The following CDH12 variants were observed in gnomAD, a reference collection of about 807,000 sequenced individuals.
The protein encoded by CDH12 is cadherin 12, also known as cadherin-12.
Under a neutral mutation model 74.1 loss-of-function variants are expected in CDH12, and 41 were observed. The observed-to-expected ratio is 0.55, with a 90% CI of 0.43 to 0.72. The LOEUF is 0.72. Among genes scored for constraint, CDH12 ranks in the 30% least tolerant of loss-of-function variants. CDH12 has a pLI of 0.00. For missense variants in CDH12, 945 were observed against 977.2 expected (o/e 0.97, Z 0.44); for synonymous variants, 399 against 355.0 (o/e 1.12, Z -1.39).
chr5:21,896,800 G>C (rs1207079803), intron 6 of CDH12, among the ~76,000 whole-genome samples: 1 of 152,132 alleles, frequency 6.6e-6, no homozygotes, highest in East Asian at 1.9e-4. Flanking sequence ...ATAGATTGAC[G>C]AAGTATTAAA....
intron 2 of CDH12, among the ~76,000 whole-genome samples, chr5:22,430,226 TG>T (rs566998671): frequency 1.1e-3 from 174 of 152,160 alleles, no homozygotes; most frequent in Middle Eastern, 0.01. Flanking sequence ...CAATTGGAGG[TG>T]TTCAAATTAG....
At chr5:22,225,488 C>A (rs567075649) in intron 3 of CDH12, among the ~76,000 whole-genome samples, 56 of 152,166 alleles carry the variant, frequency 3.7e-4, no homozygotes, top group African/African-American at 1.3e-3. Flanking sequence ...AACTTTGCCA[C>A]AAGCTTTGAA....
chr5:22,705,076 G>T (rs562608633), intron 1 of CDH12, among the ~76,000 whole-genome samples: 4 of 149,530 alleles, frequency 2.7e-5, no homozygotes, highest in South Asian at 2.1e-4. Context: ...TGTGGGGGGA[G>T]TGGAGTTACA....
intron 1 of CDH12, among the ~76,000 whole-genome samples, chr5:22,734,564 T>C (rs1403141117): frequency 1.3e-5 from 2 of 151,870 alleles, no homozygotes; most frequent in Admixed American, 1.3e-4. Flanking sequence ...GGCTGGCTGG[T>C]TTAAAGACTT....
chr5:22,288,202 T>C (rs922785401), intron 3 of CDH12, among the ~76,000 whole-genome samples: 1 of 152,178 alleles, frequency 6.6e-6, no homozygotes, highest in Non-Finnish European at 1.5e-5. Flanking sequence ...TCTCCTTACA[T>C]CTTCTATCTG....
intron 1 of CDH12, among the ~76,000 whole-genome samples, chr5:22,799,820 A>G (rs762367499): frequency 3.2e-4 from 48 of 152,292 alleles, no homozygotes; most frequent in Non-Finnish European, 6.0e-4. Flanking sequence ...TACAACCTAC[A>G]AAACAACACA....
chr5:22,678,053 G>T (rs116337060), intron 1 of CDH12, among the ~76,000 whole-genome samples: 29 of 150,578 alleles, frequency 1.9e-4, no homozygotes, highest in Admixed American at 2.7e-4. Context: ...ATGGGGGGGG[G>T]GGTTAGGATT....
At chr5:22,726,972 C>A (rs1464808369) in intron 1 of CDH12, among the ~76,000 whole-genome samples, 1 of 151,736 alleles carries the variant, frequency 6.6e-6, no homozygotes, top group African/African-American at 2.4e-5. Flanking sequence ...TACTTCTGTC[C>A]TTTAGCGTCC....
rs558114697 is a variant in CDH12 at position 22,664,489 on chromosome 5, C to T, written c.-522-159125G>A. 1.2e-4 allele frequency among the ~76,000 whole-genome samples: 18 copies of T among 152,114 alleles called. 1 individual carries two copies. Among genetic ancestry groups the T allele is most frequent in the Admixed American group, 8.5e-4 (13 of 15,270 alleles). ...CACGAGAAGAGCATGGGGAAAACTG[C>T]CCCTGTGATTCAATTATCTCCACCT... On this transcript the variant is annotated intron_variant, in intron 1 of 14. Coordinates refer to ENST00000382254, the MANE Select transcript of CDH12 (RefSeq NM_004061.5).
chr5:22,286,737 G>A (rs750354556), intron 3 of CDH12, among the ~76,000 whole-genome samples: 1 of 149,886 alleles, frequency 6.7e-6, no homozygotes, highest in Non-Finnish European at 1.5e-5. Flanking sequence ...TGCAGTCAGG[G>A]TTAACTCAAA....
At position 22,783,889 on chromosome 5, in the gene CDH12, G is replaced by T. The variant is rs117531668; in HGVS notation, c.-523+69169C>A. 3.0e-4 allele frequency among the ~76,000 whole-genome samples: 45 copies of T among 152,068 alleles called. No homozygotes were observed. In the East Asian group the frequency reaches 8.1e-3, roughly 27 times the overall value. ...CTGAATCATTTTATTATTTTATAGC[G>T]ATTCTCCTCCCTGCTTTTTTTCCCA... On this transcript the variant is annotated intron_variant, in intron 1 of 14. Coordinates refer to ENST00000382254, the MANE Select transcript of CDH12 (RefSeq NM_004061.5).
chr5:21,758,447 A>G (rs1455301631), intron 13 of CDH12, among the ~76,000 whole-genome samples: 1 of 152,188 alleles, frequency 6.6e-6, no homozygotes, highest in Non-Finnish European at 1.5e-5. Flanking sequence ...TATCATCATC[A>G]TCACCATCTC....
At chr5:22,492,823 C>T (rs572360124) in intron 2 of CDH12, among the ~76,000 whole-genome samples, 167 of 152,216 alleles carry the variant, frequency 1.1e-3, no homozygotes, top group African/African-American at 3.8e-3. Flanking sequence ...CTCCCTTGCT[C>T]TCCTGAGGTC....
chr5:21,896,145 G>C (rs1393629686), intron 6 of CDH12, among the ~76,000 whole-genome samples: 1 of 152,180 alleles, frequency 6.6e-6, no homozygotes, highest in Non-Finnish European at 1.5e-5. Context: ...TGCTATGCCA[G>C]CTGGAATGAC....
At chr5:21,953,025 A>G (rs548913326) in intron 6 of CDH12, among the ~76,000 whole-genome samples, 1 of 152,034 alleles carries the variant, frequency 6.6e-6, no homozygotes, top group Non-Finnish European at 1.5e-5. Flanking sequence ...GAGAATCTTC[A>G]TTAATGCAGC....
chr5:21,905,932 G>A (rs1329383410), intron 6 of CDH12, among the ~76,000 whole-genome samples: 1 of 151,926 alleles, frequency 6.6e-6, no homozygotes, highest in African/African-American at 2.4e-5. Flanking sequence ...CTAAATTCAT[G>A]GTGTCTAGAA....
intron 4 of CDH12, among the ~76,000 whole-genome samples, chr5:22,129,834 A>G (rs938256810): frequency 1.3e-5 from 2 of 152,100 alleles, no homozygotes; most frequent in African/African-American, 4.8e-5. Context: ...GGGCATAATT[A>G]TAATCACTAA....
chr5:22,655,560 TGAA>T (rs1561555434), intron 1 of CDH12, among the ~76,000 whole-genome samples: 1 of 152,246 alleles, frequency 6.6e-6, no homozygotes, highest in Non-Finnish European at 1.5e-5. Flanking sequence ...GCCTTTTCTT[TGAA>T]GAAGGACCTA....
intron 5 of CDH12, among the ~76,000 whole-genome samples, chr5:21,985,583 C>A (rs1433367597): frequency 1.3e-5 from 2 of 152,072 alleles, no homozygotes; most frequent in African/African-American, 4.8e-5. Context: ...TGTTTACTTA[C>A]ACACAGGGTT....
Sources: gnomAD v4.1 joint callset for allele counts (sites outside exome capture counted in the v4.1 genomes callset) on GRCh38, gnomAD v4.1.1 for gene constraint, MANE v1.5 for transcripts, NCBI Gene and HGNC (gene_info 2026-07-23, HGNC 2026-07-21) for gene names.